TMEM131L: variants seen among roughly 807,000 people sequenced by gnomAD.
The protein encoded by TMEM131L is transmembrane 131 like.
Under a neutral mutation model 192.2 loss-of-function variants are expected in TMEM131L, and 54 were observed. That is an observed-to-expected ratio of 0.28 (90% CI 0.23 to 0.35). The LOEUF is 0.35. TMEM131L is among the 10% of genes least tolerant of loss of function. TMEM131L has a pLI of 1.00. For synonymous variants in TMEM131L, 701 were observed against 704.9 expected, an observed-to-expected ratio of 0.99 and a Z score of 0.09; for missense variants, 1,888 against 1,972.9, an observed-to-expected ratio of 0.96 and a Z score of 0.82.
In TMEM131L at chr4:153,635,552, C is replaced by G. The variant is rs752359161; in HGVS notation, c.4538C>G (p.Ala1513Gly). 1.5e-5 allele frequency: 25 copies of G among 1,614,026 alleles called. No individual in the cohort carries two copies. Among genetic ancestry groups the G allele is most frequent in the Non-Finnish European group, 2.0e-5 (24 of 1,180,002 alleles). ...AACATGCCTGCTGCCTGGGGACATG[C>G]CAGTTTCATCAGCTCTCCGGTCAGT... ...PPNMPAAWGH[A>G]SFISSPPYLT... The change falls in exon 34 of 35, where the codon GCC (alanine) becomes GGC (glycine). Residue 1513 changes from alanine to glycine, a missense_variant. By Grantham distance (60) the Ala-to-Gly change is moderately conservative (BLOSUM62 0). Coordinates refer to ENST00000409959, the MANE Select transcript of TMEM131L (RefSeq NM_001131007.2).
intron 2 of TMEM131L, among the ~76,000 whole-genome samples, chr4:153,470,974 GTTTT>G (rs1200394796): frequency 6.8e-6 from 1 of 147,222 alleles, no homozygotes; most frequent in African/African-American, 2.6e-5. Flanking sequence ...AGTGCCTTCG[GTTTT>G]TTTTGTTTGT....
rs1010004654 is a variant in TMEM131L at position 153,466,360 on chromosome 4, G to A, written c.-38G>A. On this transcript the variant is annotated 5_prime_UTR_variant, in exon 1 of 35. Coordinates refer to ENST00000409959, the MANE Select transcript of TMEM131L (RefSeq NM_001131007.2). ...GCTGGGGCGCCAGCGAGCTAGCGGC[G>A]AGCGCGGCGAGCAACGGAGAGGAGC... The A allele has an allele frequency of 3.3e-6, 4 of 1,221,954 alleles. No individual in the cohort carries two copies. The highest frequency in any genetic ancestry group is 4.2e-5 in the Admixed American group (1 of 23,732). The allele number at this position is 1,221,954 out of a possible 1,614,324, so 75.7% of individuals were successfully genotyped here.
intron 3 of TMEM131L, among the ~76,000 whole-genome samples, chr4:153,525,785 G>A (rs775081728): frequency 5.3e-5 from 8 of 152,174 alleles, no homozygotes; most frequent in Non-Finnish European, 1.0e-4. Flanking sequence ...ATCATCGAGG[G>A]ATCTTGTTAG....
chr4:153,481,622 G>A (rs555597509), intron 3 of TMEM131L, among the ~76,000 whole-genome samples: 9 of 152,178 alleles, frequency 5.9e-5, no homozygotes, highest in East Asian at 1.9e-4. Context: ...TGCAACCTCC[G>A]CCTCCTGGGC....
chr4:153,487,979 TTG>T (rs1732473712), intron 3 of TMEM131L, among the ~76,000 whole-genome samples: 1 of 43,966 alleles, frequency 2.3e-5, no homozygotes, highest in Non-Finnish European at 4.4e-5. Context: ...CTGTGGCTGG[TTG>T]TGTGTGTTTG....
Position 153,636,410 on chromosome 4 carries a change from C to T in TMEM131L, c.4667C>T (p.Thr1556Met), listed in dbSNP as rs369503800. ...AATTGCTGCCCCATCAACCCCACCA[C>T]GGAACATTCGACCCACATGGAAAAC... ...YENCCPINPT[T>M]EHSTHMENQA... The change falls in exon 35 of 35, where the codon ACG becomes ATG. Residue 1556 changes from threonine (T) to methionine (M), a missense_variant. By Grantham distance (81) the Thr-to-Met change is moderately conservative (BLOSUM62 -1). Coordinates refer to ENST00000409959, the MANE Select transcript of TMEM131L (RefSeq NM_001131007.2). 57 of 1,614,064 alleles carry T rather than the reference C, an allele frequency of 3.5e-5. No individual in the cohort carries two copies. Among genetic ancestry groups the T allele is most frequent in the Admixed American group, 5.0e-5 (3 of 60,008 alleles).
intron 26 of TMEM131L, among the ~76,000 whole-genome samples, chr4:153,619,441 A>G (rs1373808027): frequency 1.3e-5 from 2 of 152,232 alleles, no homozygotes; most frequent in Non-Finnish European, 2.9e-5. Flanking sequence ...CCTGTACAAT[A>G]GGGCTTTGTA....
At chr4:153,533,446 T>C (rs1736072466) in intron 3 of TMEM131L, among the ~76,000 whole-genome samples, 1 of 152,220 alleles carries the variant, frequency 6.6e-6, no homozygotes. Flanking sequence ...TTTGTGTCAC[T>C]GGCTTATAAA....
chr4:153,557,137 T>G (rs1728525079), intron 6 of TMEM131L, 55 bp downstream of exon 6: 3 of 771,450 alleles, frequency 3.9e-6, no homozygotes, highest in Non-Finnish European at 6.8e-6. Flanking sequence ...ACTGTAGGGG[T>G]GTGTGTGTAT....
intron 14 of TMEM131L, among the ~76,000 whole-genome samples, chr4:153,586,870 G>T (rs1437632681): frequency 1.3e-5 from 2 of 152,094 alleles, no homozygotes; most frequent in African/African-American, 2.4e-5. Flanking sequence ...TAAAATCTGG[G>T]TAAATTATAT....
At chr4:153,622,130 A>G (rs895164344) in intron 28 of TMEM131L, among the ~76,000 whole-genome samples, 1 of 152,180 alleles carries the variant, frequency 6.6e-6, no homozygotes, top group Non-Finnish European at 1.5e-5. Context: ...TGCTGCAGAT[A>G]GGTCCCCTTT....
intron 3 of TMEM131L, among the ~76,000 whole-genome samples, chr4:153,517,411 G>C (rs1327086829): frequency 2.6e-5 from 4 of 152,074 alleles, no homozygotes; most frequent in Non-Finnish European, 5.9e-5. Flanking sequence ...CGGGTTCCTA[G>C]GAATGTTTTT....
chr4:153,510,155 A>AT (rs950843326), intron 3 of TMEM131L, among the ~76,000 whole-genome samples: 72 of 150,478 alleles, frequency 4.8e-4, no homozygotes, highest in African/African-American at 1.2e-3. Context: ...TTAAAAAATG[A>AT]TTTTTTTTTT....
At chr4:153,590,008 C>G (rs1352588310) in intron 16 of TMEM131L, among the ~76,000 whole-genome samples, 1 of 152,152 alleles carries the variant, frequency 6.6e-6, no homozygotes, top group African/African-American at 2.4e-5. Flanking sequence ...CCATTGCATA[C>G]CCAACAAACT....
chr4:153,549,904 A>G (rs1737476123), intron 3 of TMEM131L, among the ~76,000 whole-genome samples, 169 bp from the exon 4 acceptor site: 1 of 152,254 alleles, frequency 6.6e-6, no homozygotes, highest in African/African-American at 2.4e-5. Flanking sequence ...TCTTAAGTTT[A>G]CAACTCTAGA....
chr4:153,470,029 CTT>C (rs1003727736), intron 2 of TMEM131L, among the ~76,000 whole-genome samples: 15 of 142,834 alleles, frequency 1.1e-4, no homozygotes, highest in Non-Finnish European at 7.7e-5. Flanking sequence ...TTGATTAAGT[CTT>C]TTTTTTTTTT....
intron 3 of TMEM131L, among the ~76,000 whole-genome samples, chr4:153,541,601 GAAACA>G (rs1174529348): frequency 3.3e-5 from 5 of 152,238 alleles, no homozygotes; most frequent in Admixed American, 6.5e-5. Flanking sequence ...GGTACAGATG[GAAACA>G]CGAGTCAGGA....
rs759196076 is a variant in TMEM131L, at chr4:153,620,750, C to CTT, written c.3568-4_3568-3dup. On this transcript the variant is annotated splice_region_variant and splice_polypyrimidine_tract_variant and intron_variant, in intron 26 of 34. Coordinates refer to ENST00000409959, the MANE Select transcript of TMEM131L (RefSeq NM_001131007.2). ...AACCATTAAACATTTACTTTCTCTT[C>CTT]TTTAGCAAGAAGATCCTTATAGGAA... 4.7e-6 allele frequency: 7 copies of CTT among 1,496,540 alleles called. No homozygotes were observed. The highest frequency in any genetic ancestry group is 5.5e-6 in the Non-Finnish European group (6 of 1,099,816). The allele number at this position is 1,496,540 out of a possible 1,614,324, so 92.7% of individuals were successfully genotyped here.
intron 2 of TMEM131L, among the ~76,000 whole-genome samples, chr4:153,471,432 C>T (rs968487941): frequency 2.0e-5 from 3 of 152,178 alleles, no homozygotes; most frequent in Admixed American, 6.5e-5. Flanking sequence ...CCCATGAAGT[C>T]GTCCTAGTGC....
Sources: gnomAD v4.1 joint callset for allele counts (sites outside exome capture counted in the v4.1 genomes callset) on GRCh38, gnomAD v4.1.1 for gene constraint, MANE v1.5 for transcripts, NCBI Gene and HGNC (gene_info 2026-07-23, HGNC 2026-07-21) for gene names.